ANK2: variants seen among roughly 807,000 people sequenced by gnomAD.
ANK2 encodes the protein ankyrin-2.
In ANK2, 83 loss-of-function variants were observed where a neutral mutation model predicts 360.5. The ratio of observed to expected loss-of-function variants is 0.23; its 90% CI spans 0.19 to 0.28. The LOEUF is 0.28. Ranked by LOEUF, ANK2 falls within the 10% of genes least tolerant of loss-of-function variation. The pLI is 1.00. For synonymous variants in ANK2, 1,740 were observed against 1,759.5 expected, an observed-to-expected ratio of 0.99 and a Z score of 0.28; for missense variants, 4,201 against 4,795.7, an observed-to-expected ratio of 0.88 and a Z score of 3.66.
intron 1 of ANK2, among the ~76,000 whole-genome samples, chr4:113,107,129 T>G (rs2093724690): frequency 1.3e-5 from 2 of 152,212 alleles, no homozygotes; most frequent in South Asian, 4.1e-4. Flanking sequence ...TATAAATAGC[T>G]CTACTTCTAT....
At chr4:113,349,070 C>T (rs1293536265) in intron 36 of ANK2, among the ~76,000 whole-genome samples, 1 of 152,140 alleles carries the variant, frequency 6.6e-6, no homozygotes, top group Admixed American at 6.5e-5. Context: ...GCACACGCCT[C>T]ATCAATGTCG....
intron 1 of ANK2, among the ~76,000 whole-genome samples, chr4:112,824,937 T>C (rs982802511): frequency 1.3e-5 from 2 of 152,226 alleles, no homozygotes; most frequent in East Asian, 1.9e-4. Context: ...TCTGTATATA[T>C]TGATTTAGAA....
chr4:112,911,134 TTTTAGTAGAGAC>T (rs1323942957), intron 2 of ANK2, among the ~76,000 whole-genome samples: 15 of 150,942 alleles, frequency 9.9e-5, no homozygotes, highest in African/African-American at 3.4e-4. Context: ...ATTTTTGTAT[TTTTAGTAGAGAC>T]TTTAGTAGAG....
At chr4:112,897,932 A>G (rs528617836) in intron 1 of ANK2, among the ~76,000 whole-genome samples, 1 of 152,288 alleles carries the variant, frequency 6.6e-6, no homozygotes, top group South Asian at 2.1e-4. Flanking sequence ...TTCTTCTCAA[A>G]TATCTCAAAA....
chr4:112,852,110 G>A (rs1560790714), intron 1 of ANK2, among the ~76,000 whole-genome samples: 1 of 152,142 alleles, frequency 6.6e-6, no homozygotes, highest in Non-Finnish European at 1.5e-5. Flanking sequence ...ATAGAAACTG[G>A]AATTTAAGTC....
chr4:112,741,075 C>T, the ANK2 span, among the ~76,000 whole-genome samples: 5 of 151,964 alleles, frequency 3.3e-5, no homozygotes, highest in Non-Finnish European at 7.4e-5. Flanking sequence ...AGTGATCCAC[C>T]TGCTTTAGCC....
chr4:113,275,173 G>A (rs1034372462), intron 15 of ANK2, among the ~76,000 whole-genome samples: 6 of 152,096 alleles, frequency 3.9e-5, no homozygotes, highest in African/African-American at 1.4e-4. Flanking sequence ...TTTTGCCTGG[G>A]TATTTACAGT....
At chr4:112,888,214 T>C (rs537365847) in intron 1 of ANK2, among the ~76,000 whole-genome samples, 56 of 152,102 alleles carry the variant, frequency 3.7e-4, no homozygotes, top group Non-Finnish European at 6.9e-4. Context: ...TTAAAAAAAG[T>C]CAGTTTGTGG....
At chr4:113,324,893 G>C (rs962736416) in intron 26 of ANK2, among the ~76,000 whole-genome samples, 1 of 152,074 alleles carries the variant, frequency 6.6e-6, no homozygotes, top group Non-Finnish European at 1.5e-5. Flanking sequence ...TAAAACTAAA[G>C]GAATAGTAAC....
chr4:113,364,109 A>G (rs1214604341), intron 40 of ANK2, among the ~76,000 whole-genome samples: 2 of 152,146 alleles, frequency 1.3e-5, no homozygotes, highest in African/African-American at 4.8e-5. Flanking sequence ...TACAATTTTC[A>G]CTTTGCAAAG....
chr4:112,787,292 A>G, the ANK2 span, among the ~76,000 whole-genome samples: 3 of 152,110 alleles, frequency 2.0e-5, no homozygotes, highest in South Asian at 2.1e-4. Context: ...AAAGACCTCA[A>G]ACTGTTTCAA....
chr4:113,346,849 C>T (rs188709064), intron 35 of ANK2, among the ~76,000 whole-genome samples: 14 of 152,226 alleles, frequency 9.2e-5, no homozygotes, highest in South Asian at 2.1e-4. Flanking sequence ...CGTAATTCCT[C>T]GAATACTCTG....
chr4:113,370,944 C>CA lies in ANK2; in HGVS notation c.11610+1146dup, dbSNP rs1335227732. On this transcript the variant is annotated intron_variant, in intron 43 of 45. Transcript: ENST00000357077. ...TAACTCCCCAGAGGATTCTCAGCCA[C>CA]AAAAAAAGTATGAGAATCTGTTTGA... Among the ~76,000 whole-genome samples, 6 of 151,452 alleles carry CA rather than the reference C, an allele frequency of 4.0e-5. No individual in the cohort carries two copies. The East Asian group carries it at 1.2e-3, about 29-fold the overall frequency.
At chr4:112,989,133 A>G (rs890365576) in intron 2 of ANK2, among the ~76,000 whole-genome samples, 2 of 152,236 alleles carry the variant, frequency 1.3e-5, no homozygotes, top group South Asian at 4.1e-4. Flanking sequence ...AGGTAATTCT[A>G]GAGATCTTGT....
intron 4 of ANK2, among the ~76,000 whole-genome samples, chr4:113,205,752 A>G (rs375380779): frequency 2.0e-5 from 3 of 152,178 alleles, no homozygotes; most frequent in East Asian, 1.9e-4. Flanking sequence ...TTTTTTCTTC[A>G]TTGGCCCTAA....
intron 1 of ANK2, among the ~76,000 whole-genome samples, chr4:113,150,489 G>A (rs1456183430): frequency 6.6e-6 from 1 of 152,200 alleles, no homozygotes; most frequent in African/African-American, 2.4e-5. Context: ...CTGTTGGGAA[G>A]AAAGTACACT....
intron 2 of ANK2, among the ~76,000 whole-genome samples, chr4:112,926,933 C>G (rs1054321174): frequency 2.0e-5 from 3 of 152,160 alleles, no homozygotes; most frequent in Non-Finnish European, 4.4e-5. Flanking sequence ...CACAGTTCCA[C>G]AGGACTGGGG....
intron 1 of ANK2, among the ~76,000 whole-genome samples, chr4:112,872,746 C>T (rs900285855): frequency 3.9e-4 from 60 of 152,054 alleles, no homozygotes; most frequent in African/African-American, 1.4e-3. Flanking sequence ...GGGAGTGTTC[C>T]CTCCTCTTCT....
At chr4:112,794,035 A>G in the ANK2 span, among the ~76,000 whole-genome samples, 5 of 152,162 alleles carry the variant, frequency 3.3e-5, no homozygotes, top group African/African-American at 1.2e-4. Flanking sequence ...GCTCCTCAGC[A>G]CCCCATAATC....
Sources: allele counts gnomAD v4.1 joint callset (sites outside exome capture counted in the v4.1 genomes callset), GRCh38; gene constraint gnomAD v4.1.1; transcripts MANE v1.5; gene names NCBI Gene and HGNC (gene_info 2026-07-23, HGNC 2026-07-21).